The following SPIDR variants were observed in gnomAD, a reference collection of about 807,000 sequenced individuals.
SPIDR encodes the protein DNA repair-scaffolding protein.
A neutral mutation model predicts 104.6 loss-of-function variants in SPIDR; 93 were observed. That is an observed-to-expected ratio of 0.89 (90% CI 0.75 to 1.06). The LOEUF (loss-of-function observed/expected upper bound fraction) is 1.06, where lower values mean the gene tolerates loss of function less well. Ranked by LOEUF, SPIDR falls within the 50% of genes least tolerant of loss-of-function variation. SPIDR has a pLI of 0.00. For missense variants in SPIDR, 1,154 were observed against 1,111.2 expected, an observed-to-expected ratio of 1.04 and a Z score of -0.55; for synonymous variants, 431 against 416.9, an observed-to-expected ratio of 1.03 and a Z score of -0.41.
intron 8 of SPIDR, among the ~76,000 whole-genome samples, chr8:47,556,684 C>G (rs1030810555): frequency 6.6e-6 from 1 of 152,138 alleles, no homozygotes; most frequent in African/African-American, 2.4e-5. Context: ...ACTGCAGCCT[C>G]ACACTCCTGG....
At chr8:47,322,848 A>G (rs1419977693) in intron 5 of SPIDR, among the ~76,000 whole-genome samples, 3 of 152,280 alleles carry the variant, frequency 2.0e-5, no homozygotes, top group African/African-American at 7.2e-5. Flanking sequence ...ACAAAAAACC[A>G]AACAGCGCAT....
At chr8:47,586,759 T>G (rs1205737835) in intron 8 of SPIDR, among the ~76,000 whole-genome samples, 1 of 152,082 alleles carries the variant, frequency 6.6e-6, no homozygotes, top group Non-Finnish European at 1.5e-5. Flanking sequence ...GTTTATCAAG[T>G]TTTTTTTGTT....
At chr8:47,478,122 C>CA (rs2076486705) in intron 8 of SPIDR, among the ~76,000 whole-genome samples, 1 of 152,170 alleles carries the variant, frequency 6.6e-6, no homozygotes, top group Non-Finnish European at 1.5e-5. Context: ...ATGGAAGGCA[C>CA]AAGGAGTACC....
At chr8:47,626,359 A>G (rs905495156) in intron 10 of SPIDR, among the ~76,000 whole-genome samples, 1 of 152,258 alleles carries the variant, frequency 6.6e-6, no homozygotes, top group African/African-American at 2.4e-5. Context: ...CACCCAAAGC[A>G]ATGGCAACAA....
At chr8:47,504,097 C>G (rs577431500) in intron 8 of SPIDR, among the ~76,000 whole-genome samples, 40 of 152,294 alleles carry the variant, frequency 2.6e-4, no homozygotes, top group Non-Finnish European at 4.0e-4. Flanking sequence ...CTTGGTGAAT[C>G]TGACAATTAT....
At chr8:47,634,048 T>C (rs1005668952) in intron 10 of SPIDR, among the ~76,000 whole-genome samples, 1 of 150,368 alleles carries the variant, frequency 6.7e-6, no homozygotes, top group African/African-American at 2.5e-5. Context: ...TGAGCCAAGA[T>C]CGTGCCACTG....
chr8:47,728,203 A>G (rs768888258), intron 17 of SPIDR, among the ~76,000 whole-genome samples: 2 of 151,954 alleles, frequency 1.3e-5, no homozygotes, highest in Non-Finnish European at 1.5e-5. Flanking sequence ...GGCCAAGTGG[A>G]TCACTTGAGG....
At chr8:47,712,148 A>C (rs1219982266) in intron 14 of SPIDR, among the ~76,000 whole-genome samples, 1 of 152,228 alleles carries the variant, frequency 6.6e-6, no homozygotes, top group Non-Finnish European at 1.5e-5. Flanking sequence ...TAAGAAAAAA[A>C]TGAAAAAATA....
At chr8:47,554,554 C>G (rs532299694) in intron 8 of SPIDR, among the ~76,000 whole-genome samples, 1 of 152,206 alleles carries the variant, frequency 6.6e-6, no homozygotes, top group Non-Finnish European at 1.5e-5. Flanking sequence ...CTGAGCCATG[C>G]GCGGGATATA....
chr8:47,511,581 C>G (rs1393953443), intron 8 of SPIDR: 1 of 783,484 alleles, frequency 1.3e-6, no homozygotes, highest in Non-Finnish European at 2.4e-6. Flanking sequence ...TGAATCCACT[C>G]TTGCAGAGTT....
intron 5 of SPIDR, among the ~76,000 whole-genome samples, chr8:47,307,955 A>G (rs2043393665): frequency 6.6e-6 from 1 of 151,938 alleles, no homozygotes; most frequent in Non-Finnish European, 1.5e-5. Context: ...TGAATGTGTC[A>G]TACTTTCCTG....
intron 11 of SPIDR, among the ~76,000 whole-genome samples, chr8:47,687,821 G>C (rs1350298872): frequency 6.6e-6 from 1 of 152,134 alleles, no homozygotes; most frequent in Non-Finnish European, 1.5e-5. Context: ...CCAGCACTTC[G>C]GGAGGCCAAG....
At chr8:47,594,107 C>G (rs1320072385) in intron 8 of SPIDR, among the ~76,000 whole-genome samples, 3 of 147,760 alleles carry the variant, frequency 2.0e-5, no homozygotes, top group African/African-American at 7.5e-5. Context: ...CGCCTGTAAT[C>G]CCAGCACTTT....
In SPIDR at chr8:47,599,198, T is replaced by C; in HGVS notation, c.1544+2T>C. The C allele has an allele frequency of 6.2e-7, 1 of 1,612,890 alleles. No homozygotes were observed. Among genetic ancestry groups the C allele is most frequent in the Non-Finnish European group, 8.5e-7 (1 of 1,179,594 alleles). The stretch of plus-strand genomic sequence containing the variant: ...ACACACAGACCCAGCTGGAACTCGG[T>C]GAGTGCCAAGATGCTGGTGTGGGGC... On this transcript the variant is annotated splice_donor_variant, in intron 10 of 19. Transcript: ENST00000297423. LOFTEE classifies it high-confidence loss of function.
At chr8:47,352,120 T>A (rs542707429) in intron 5 of SPIDR, among the ~76,000 whole-genome samples, 61 of 151,716 alleles carry the variant, frequency 4.0e-4, no homozygotes, top group Non-Finnish European at 5.7e-4. Context: ...CTACTAAAAA[T>A]ACAAAAATTA....
chr8:47,424,547 G>C (rs1257547634), intron 7 of SPIDR, among the ~76,000 whole-genome samples: 1 of 152,072 alleles, frequency 6.6e-6, no homozygotes, highest in Non-Finnish European at 1.5e-5. Context: ...CGAACTCTTG[G>C]CCTCAAGGGA....
chr8:47,303,877 G>A (rs1231283152), intron 5 of SPIDR, among the ~76,000 whole-genome samples: 59 of 152,070 alleles, frequency 3.9e-4, no homozygotes, highest in Admixed American at 3.5e-3. Context: ...GGGTTTCACC[G>A]TATTGGCCAG....
chr8:47,618,051 G>A (rs950001099), intron 10 of SPIDR, among the ~76,000 whole-genome samples: 3 of 152,180 alleles, frequency 2.0e-5, no homozygotes, highest in Non-Finnish European at 2.9e-5. Context: ...ATGCCAGTAA[G>A]TGCACTGCAG....
chr8:47,625,443 A>C (rs1327086517), intron 10 of SPIDR, among the ~76,000 whole-genome samples: 1 of 152,244 alleles, frequency 6.6e-6, no homozygotes, highest in Non-Finnish European at 1.5e-5. Flanking sequence ...GAGGAAGTCA[A>C]ATTGTCCCTG....
Sources: allele counts gnomAD v4.1 joint callset (sites outside exome capture counted in the v4.1 genomes callset), GRCh38; gene constraint gnomAD v4.1.1; transcripts MANE v1.5; gene names NCBI Gene and HGNC (gene_info 2026-07-23, HGNC 2026-07-21).